Variants in ATRX observed in about 807,000 individuals in gnomAD.
The protein encoded by ATRX is chromatin remodeler ATRX.
ATRX carries 12 observed loss-of-function variants against 172.6 expected under a neutral mutation model. The observed-to-expected ratio is 0.07, with a 90% CI of 0.04 to 0.11. ATRX has a LOEUF of 0.11. Ranked by LOEUF, ATRX falls within the 10% of genes least tolerant of loss-of-function variation. The pLI is 1.00. For synonymous variants in ATRX, 674 were observed against 594.7 expected (o/e 1.13, Z -1.94); for missense variants, 1,368 against 1,767.4 (o/e 0.77, Z 4.05).
At chrX:77,662,056 G>A (rs1276308961) in intron 12 of ATRX, among the ~76,000 whole-genome samples, 2 of 111,192 alleles carry the variant, frequency 1.8e-5, no homozygotes, top group East Asian at 5.6e-4. Flanking sequence ...TAATCTGTTG[G>A]GTAAAAGCCT....
chrX:77,747,251 CAGT>C (rs1212677484), intron 1 of ATRX, among the ~76,000 whole-genome samples: 2 of 111,337 alleles, frequency 1.8e-5, no homozygotes, highest in Non-Finnish European at 3.8e-5. Flanking sequence ...CAGCCAGACG[CAGT>C]AGATCATACT....
At chrX:77,759,359 A>G (rs1557191768) in intron 1 of ATRX, among the ~76,000 whole-genome samples, 1 of 102,036 alleles carries the variant, frequency 9.8e-6, no homozygotes, top group Non-Finnish European at 2.0e-5. Context: ...CCAAATTCGT[A>G]AAAAAAAAAA....
intron 28 of ATRX, among the ~76,000 whole-genome samples, chrX:77,569,120 AAAAC>A (rs1222139374): frequency 2.7e-5 from 3 of 110,575 alleles, no homozygotes; most frequent in Middle Eastern, 4.6e-3. Context: ...TCTCAAAACA[AAAAC>A]AAACAAAAAC....
intron 30 of ATRX, among the ~76,000 whole-genome samples, chrX:77,543,723 C>A (rs898883633): frequency 9.0e-6 from 1 of 110,649 alleles, no homozygotes; most frequent in South Asian, 3.9e-4. Flanking sequence ...AAATCAAACA[C>A]CACATGTTCT....
chrX:77,761,922 G>T (rs1324293386), intron 1 of ATRX, among the ~76,000 whole-genome samples: 1 of 110,972 alleles, frequency 9.0e-6, no homozygotes, highest in Non-Finnish European at 1.9e-5. Flanking sequence ...TCCACGTCTG[G>T]CTAACTTCAC....
intron 30 of ATRX, among the ~76,000 whole-genome samples, chrX:77,526,547 C>T (rs782809628): frequency 7.0e-4 from 79 of 112,198 alleles, no homozygotes; most frequent in Non-Finnish European, 1.3e-3. Flanking sequence ...AAGTGATCCA[C>T]CTGCCTCGGC....
At chrX:77,634,232 TAAAAAAAA>T (rs144290953) in intron 17 of ATRX, among the ~76,000 whole-genome samples, 5 of 54,070 alleles carry the variant, frequency 9.2e-5, no homozygotes, top group African/African-American at 1.5e-4. Context: ...TTAAAAGTTG[TAAAAAAAA>T]AAAAAAAAAA....
At chrX:77,678,800 C>CT (rs2071042826) in intron 9 of ATRX, among the ~76,000 whole-genome samples, 1 of 110,674 alleles carries the variant, frequency 9.0e-6, no homozygotes, top group African/African-American at 3.3e-5. Flanking sequence ...TCTTCTGTTA[C>CT]TTTTTTTAAT....
At chrX:77,713,845 G>A (rs896402346) in intron 2 of ATRX, among the ~76,000 whole-genome samples, 4 of 111,273 alleles carry the variant, frequency 3.6e-5, no homozygotes, top group Non-Finnish European at 7.5e-5. Flanking sequence ...ATTCTACACC[G>A]CAAATCCCCA....
At chrX:77,653,498 C>T (rs1231957884) in intron 14 of ATRX, among the ~76,000 whole-genome samples, 2 of 111,564 alleles carry the variant, frequency 1.8e-5, no homozygotes, top group African/African-American at 6.5e-5. Context: ...ACTTAAAATA[C>T]ACAAATTCTT....
chrX:77,595,215 G>A (rs901114272), intron 25 of ATRX: 3 of 110,954 alleles, frequency 2.7e-5, no homozygotes, highest in Non-Finnish European at 5.7e-5. Context: ...CTTTCCTCAG[G>A]TTGACTACTA....
chrX:77,742,786 A>G (rs1342779283), intron 1 of ATRX, among the ~76,000 whole-genome samples: 3 of 111,686 alleles, frequency 2.7e-5, no homozygotes, highest in African/African-American at 9.8e-5. Flanking sequence ...TCCTCAGTAG[A>G]GCACCCTGAC....
chrX:77,505,530 G>T lies in ATRX; in HGVS notation c.*2821C>A. 1 of 174,648 alleles carries T rather than the reference G, an allele frequency of 5.7e-6. No homozygotes were observed. Among genetic ancestry groups the T allele is most frequent in the Non-Finnish European group, 1.1e-5 (1 of 91,050 alleles). The allele number at this position is 174,648 out of a possible 1,213,427, so 14.4% of individuals were successfully genotyped here. A position where few individuals can be genotyped will look rare whatever the true frequency, so the allele number is the denominator to read the frequency against. ...TATGTAAATTCTTTTTGAGATGAGA[G>T]ATCTCCCTTTACAGAATTTAGTATA... On this transcript the variant is annotated 3_prime_UTR_variant, in exon 35 of 35. Transcript: ENST00000373344.
At chrX:77,720,505 T>A (rs2148766602) in intron 1 of ATRX, among the ~76,000 whole-genome samples, 1 of 111,062 alleles carries the variant, frequency 9.0e-6, no homozygotes, top group South Asian at 3.7e-4. Flanking sequence ...TCACCACTGA[T>A]CCCACAAAAA....
intron 24 of ATRX, 72 bp downstream of exon 24, chrX:77,599,660 T>C: frequency 8.4e-7 from 1 of 1,188,881 alleles, no homozygotes; most frequent in Non-Finnish European, 1.1e-6. Flanking sequence ...ACGTCAATTA[T>C]AAGAGGTCAA....
chrX:77,726,622 T>TA (rs1265136119), intron 1 of ATRX, among the ~76,000 whole-genome samples: 5 of 110,217 alleles, frequency 4.5e-5, no homozygotes, highest in East Asian at 5.7e-4. Flanking sequence ...TAAAGTGTAA[T>TA]AAAAAAAAAT....
Position 77,558,594 on chromosome X carries a change from C to T in ATRX, c.6504+75G>A, listed in dbSNP as rs2064888318. ...ACTTTGTTTCCCTCTCTGTAATACA[C>T]ATATGTTCCATATCTCTAAAATATT... is the stretch of plus-strand genomic sequence containing the variant. On this transcript the variant is annotated intron_variant, in intron 29 of 34. Coordinates refer to ENST00000373344, the MANE Select transcript of ATRX (RefSeq NM_000489.6). 4.3e-6 allele frequency: 4 copies of T among 920,867 alleles called. No individual in the cohort carries two copies. The Admixed American group carries it at 7.4e-5, about 17-fold the overall frequency. The allele number at this position is 920,867 out of a possible 1,213,427, so 75.9% of individuals were successfully genotyped here.
At chrX:77,742,666 A>G (rs554307836) in intron 1 of ATRX, among the ~76,000 whole-genome samples, 2 of 112,067 alleles carry the variant, frequency 1.8e-5, no homozygotes, top group East Asian at 5.6e-4. Context: ...TCTAGGAAGC[A>G]AAAGGAAAAC....
chrX:77,716,706 G>C (rs781979298), intron 2 of ATRX, among the ~76,000 whole-genome samples: 1 of 110,964 alleles, frequency 9.0e-6, no homozygotes, highest in South Asian at 3.8e-4. Context: ...TCATGCCATT[G>C]AACTCCAGAC....
Sources: gnomAD v4.1 joint callset for allele counts (sites outside exome capture counted in the v4.1 genomes callset) on GRCh38, gnomAD v4.1.1 for gene constraint, MANE v1.5 for transcripts, NCBI Gene and HGNC (gene_info 2026-07-23, HGNC 2026-07-21) for gene names.